The following LOC730098 variants were observed in gnomAD, a reference collection of about 807,000 sequenced individuals.
chr9:34,665,663 C>T, the LOC730098 span: 1 of 701,250 alleles, frequency 1.4e-6, no homozygotes, highest in East Asian at 2.7e-5. Flanking sequence ...CCGACATGTC[C>T]TGGGCTCCGA....
At chr9:34,664,739 A>G in the LOC730098 span, 1 of 333,970 alleles carries the variant, frequency 3.0e-6, no homozygotes, top group Non-Finnish European at 5.4e-6. Context: ...AGCAGAGAAG[A>G]TTCTTCAGAC....
the LOC730098 span, chr9:34,664,837 TG>T: frequency 2.4e-6 from 1 of 413,066 alleles, no homozygotes; most frequent in Non-Finnish European, 4.3e-6. Flanking sequence ...TATGGGTTTT[TG>T]GGGGTTGGGA....
the LOC730098 span, chr9:34,666,018 C>G: frequency 3.0e-6 from 1 of 331,764 alleles, no homozygotes; most frequent in Non-Finnish European, 5.6e-6. Context: ...GCCTAAACTC[C>G]CGCCCTCCCT....
the LOC730098 span, chr9:34,664,762 C>T: frequency 8.2e-6 from 3 of 364,474 alleles, no homozygotes; most frequent in Non-Finnish European, 1.5e-5. Flanking sequence ...CTGGCAAAGT[C>T]CTCGCTCCGA....
At chr9:34,664,399 A>G in the LOC730098 span, 1 of 152,186 alleles carries the variant, frequency 6.6e-6, no homozygotes. Flanking sequence ...TCCAGTCCCT[A>G]ACTGAAGGCA....
At chr9:34,664,829 T>C in the LOC730098 span, 3 of 409,780 alleles carry the variant, frequency 7.3e-6, no homozygotes, top group Middle Eastern at 1.2e-3. Flanking sequence ...ACTCACAGTA[T>C]GGGTTTTTGG....
the LOC730098 span, chr9:34,665,127 G>A: frequency 1.6e-6 from 1 of 610,904 alleles, no homozygotes. Flanking sequence ...GACCCAGGCC[G>A]CTGGACAGAC....
chr9:34,664,912 A>C, the LOC730098 span: 1,424 of 463,050 alleles, frequency 3.1e-3, 3 homozygotes, highest in Middle Eastern at 0.01. Flanking sequence ...TTGACGTGGA[A>C]GGGCACCCTT....
the LOC730098 span, chr9:34,665,789 C>A: frequency 4.7e-6 from 3 of 642,058 alleles, no homozygotes; most frequent in South Asian, 1.7e-5. Context: ...CTGATGCCCC[C>A]GAGAAGCCTC....
chr9:34,665,683 G>A, the LOC730098 span: 1 of 700,908 alleles, frequency 1.4e-6, no homozygotes, highest in Non-Finnish European at 2.6e-6. Flanking sequence ...AACGTCTCCT[G>A]GGGAGCGGCA....
At chr9:34,665,639 G>C in the LOC730098 span, 3 of 700,406 alleles carry the variant, frequency 4.3e-6, no homozygotes, top group East Asian at 8.1e-5. Flanking sequence ...GCGCCACCTC[G>C]TATCTCCTCA....
the LOC730098 span, chr9:34,665,290 T>A: frequency 1.4e-6 from 1 of 701,232 alleles, no homozygotes; most frequent in Non-Finnish European, 2.6e-6. Context: ...CCGGGGCGGG[T>A]CCGCGGTATC....
At chr9:34,665,560 C>T in the LOC730098 span, 11 of 699,680 alleles carry the variant, frequency 1.6e-5, no homozygotes, top group Non-Finnish European at 2.6e-5. Flanking sequence ...ACTCCACCCT[C>T]CCCCACCCCG....
At chr9:34,665,285 G>A in the LOC730098 span, 1 of 702,272 alleles carries the variant, frequency 1.4e-6, no homozygotes, top group Non-Finnish European at 2.6e-6. Flanking sequence ...CATGCCCGGG[G>A]CGGGTCCGCG....
chr9:34,665,101 G>C, the LOC730098 span: 2 of 598,306 alleles, frequency 3.3e-6, no homozygotes, highest in Non-Finnish European at 5.9e-6. Flanking sequence ...GCCACGACCC[G>C]AGCGCTGGGG....
chr9:34,665,459 T>C, the LOC730098 span: 1 of 687,636 alleles, frequency 1.5e-6, no homozygotes. Context: ...TGCCTCGCCG[T>C]CGAGGAAGGC....
chr9:34,665,824 G>A, the LOC730098 span: 2 of 612,340 alleles, frequency 3.3e-6, no homozygotes, highest in Non-Finnish European at 5.8e-6. Context: ...GACAGGGTGG[G>A]CTTGGAGATT....
At chr9:34,664,928 G>A in the LOC730098 span, 14 of 474,428 alleles carry the variant, frequency 3.0e-5, no homozygotes, top group Middle Eastern at 5.3e-4. Flanking sequence ...CCCTTCCAGG[G>A]AGGGACGCCC....
chr9:34,664,709 A>T, the LOC730098 span: 1 of 249,150 alleles, frequency 4.0e-6, no homozygotes, highest in Non-Finnish European at 7.6e-6. Context: ...CTCTGCTTAA[A>T]ATGTTTTAGA....
Sources: allele counts gnomAD v4.1 joint callset, GRCh38; gene constraint gnomAD v4.1.1; transcripts MANE v1.5.